The following SENP7 variants were observed in gnomAD, a reference collection of about 807,000 sequenced individuals.
SENP7 encodes the protein SUMO specific peptidase 7, also known as sentrin-specific protease 7.
SENP7 carries 64 observed loss-of-function variants against 141.2 expected under a neutral mutation model. That is an observed-to-expected ratio of 0.45 (90% CI 0.37 to 0.56). SENP7 has a LOEUF of 0.56. SENP7 is among the 20% of genes least tolerant of loss of function. The pLI, the probability that SENP7 is intolerant of heterozygous loss-of-function variation, is 0.00. For synonymous variants in SENP7, 382 were observed against 426.4 expected (o/e 0.90, Z 1.28); for missense variants, 1,025 against 1,212.2 (o/e 0.85, Z 2.29).
chr3:101,437,456 C>T (rs1015409079), intron 4 of SENP7, among the ~76,000 whole-genome samples: 5 of 152,016 alleles, frequency 3.3e-5, no homozygotes, highest in Non-Finnish European at 7.4e-5. Context: ...CATTGCATGC[C>T]TATATATCAA....
chr3:101,409,110 A>G (rs2061384987), intron 5 of SENP7, among the ~76,000 whole-genome samples: 1 of 152,226 alleles, frequency 6.6e-6, no homozygotes, highest in Non-Finnish European at 1.5e-5. Flanking sequence ...AATGTACATA[A>G]ATCAGCAGCT....
chr3:101,398,750 A>G, intron 6 of SENP7, 111 bp downstream of exon 6: 1 of 773,742 alleles, frequency 1.3e-6, no homozygotes, highest in Non-Finnish European at 1.9e-6. Context: ...AATACCAGCT[A>G]TCAGAGCACA....
rs2059794550 is a variant in SENP7, at chr3:101,358,151, T to G, written c.1623+3564A>C. On this transcript the variant is annotated intron_variant, in intron 11 of 23. Transcript: ENST00000394095. ...CAAACCCTACTAAACATAAGATAAT[T>G]CATACTGGAGATATACCCTACAAAT... 7.6e-6 allele frequency: 4 copies of G among 528,190 alleles called. No individual in the cohort carries two copies. The Admixed American group carries it at 1.2e-4, about 15-fold the overall frequency. 32.7% of individuals were successfully genotyped at this position (528,190 alleles called of 1,614,324 possible).
At chr3:101,389,373 G>A (rs932342956) in intron 6 of SENP7, among the ~76,000 whole-genome samples, 1 of 152,068 alleles carries the variant, frequency 6.6e-6, no homozygotes, top group Non-Finnish European at 1.5e-5. Context: ...CCAAGTCAGA[G>A]ACAACAAGAA....
Position 101,351,639 on chromosome 3 carries a change from A to AT in SENP7, c.1635dup (p.Tyr546IlefsTer3). 4.4e-6 allele frequency: 6 copies of AT among 1,352,636 alleles called. No homozygotes were observed. The highest frequency in any genetic ancestry group is 1.5e-5 in the African/African-American group (1 of 65,840). The allele number at this position is 1,352,636 out of a possible 1,614,324, so 83.8% of individuals were successfully genotyped here. On this transcript the variant is annotated frameshift_variant, in exon 12 of 24. Transcript: ENST00000394095. LOFTEE classifies it high-confidence loss of function. ...TTACCTTGAAATGGGATCTTAATAT[A>AT]TTTTTTTGTGATCTGAAGAAAAAAT...
rs573976127 is a variant in SENP7 at position 101,489,847 on chromosome 3, GA to G, written c.186+4025del. 9.2e-5 allele frequency among the ~76,000 whole-genome samples: 14 copies of G among 152,292 alleles called. No homozygotes were observed. In the East Asian group the frequency reaches 2.1e-3, roughly 23 times the overall value. ...CAGAACACTCCACCTAACAGCCACA[GA>G]AAATGTTTTTAACGTCATTAGTCAT... is the stretch of plus-strand genomic sequence containing the variant. On this transcript the variant is annotated intron_variant, in intron 3 of 23. Transcript: ENST00000394095.
chr3:101,466,552 A>G (rs1237460674), intron 3 of SENP7, among the ~76,000 whole-genome samples: 2 of 152,198 alleles, frequency 1.3e-5, no homozygotes, highest in Non-Finnish European at 2.9e-5. Context: ...GACAAGCAAA[A>G]GCTAAGGGAA....
At chr3:101,331,424 A>C (rs1187770715) in intron 19 of SENP7, among the ~76,000 whole-genome samples, 2 of 151,832 alleles carry the variant, frequency 1.3e-5, no homozygotes, top group Non-Finnish European at 2.9e-5. Flanking sequence ...TCGAGGTTGC[A>C]ATGAGCTATA....
chr3:101,355,765 A>G (rs931513265), intron 11 of SENP7, among the ~76,000 whole-genome samples: 2 of 152,138 alleles, frequency 1.3e-5, no homozygotes, highest in African/African-American at 4.8e-5. Flanking sequence ...TGATAATTTG[A>G]TAGGAATAGC....
At chr3:101,473,947 A>G (rs964410281) in intron 3 of SENP7, among the ~76,000 whole-genome samples, 18 of 152,216 alleles carry the variant, frequency 1.2e-4, no homozygotes, top group Admixed American at 5.2e-4. Flanking sequence ...AATTTTCTGC[A>G]TATGGCTAAC....
intron 6 of SENP7, among the ~76,000 whole-genome samples, chr3:101,392,645 A>G (rs1178186078): frequency 6.6e-6 from 1 of 152,204 alleles, no homozygotes; most frequent in African/African-American, 2.4e-5. Context: ...TGCAATCCCA[A>G]TCAAAATGCC....
intron 3 of SENP7, among the ~76,000 whole-genome samples, chr3:101,467,938 G>T (rs997340783): frequency 6.6e-6 from 1 of 152,122 alleles, no homozygotes; most frequent in African/African-American, 2.4e-5. Flanking sequence ...TGAACCCATC[G>T]CAAGGAAGCT....
chr3:101,444,766 T>G (rs1419054148), intron 4 of SENP7, among the ~76,000 whole-genome samples: 1 of 147,924 alleles, frequency 6.8e-6, no homozygotes, highest in Non-Finnish European at 1.5e-5. Context: ...GGGGGAAAGA[T>G]AGCATTGGGA....
At position 101,337,688 on chromosome 3, in the gene SENP7, C is replaced by T. The variant is rs1333578628; in HGVS notation, c.2358-57G>A. The stretch of plus-strand genomic sequence containing the variant: ...ATTTTTAGATTTTACTTGGTCGTCC[C>T]CCAGTTGTCTTATGTGTTCTGGAAA... On this transcript the variant is annotated intron_variant, in intron 16 of 23. Coordinates refer to ENST00000394095, the MANE Select transcript of SENP7 (RefSeq NM_020654.5). 12 of 1,383,934 alleles carry T rather than the reference C, an allele frequency of 8.7e-6. No homozygotes were observed. In the African/African-American group the frequency reaches 1.0e-4, roughly 12 times the overall value. 85.7% of individuals were successfully genotyped at this position (1,383,934 alleles called of 1,614,324 possible).
intron 11 of SENP7, chr3:101,357,744 A>G: frequency 3.1e-6 from 2 of 655,356 alleles, no homozygotes; most frequent in East Asian, 2.7e-5. Flanking sequence ...CATAAGACAT[A>G]CTGGAAAAAA....
chr3:101,416,492 T>C (rs775118617), intron 5 of SENP7, among the ~76,000 whole-genome samples: 54 of 152,206 alleles, frequency 3.5e-4, no homozygotes, highest in South Asian at 8.3e-4. Context: ...CATCTGTCAG[T>C]GCAGTAAGAG....
intron 4 of SENP7, among the ~76,000 whole-genome samples, chr3:101,419,076 C>A (rs915500552): frequency 5.9e-5 from 9 of 152,158 alleles, no homozygotes; most frequent in Admixed American, 4.6e-4. Context: ...TGCACTTCTT[C>A]TGAGCCAAGT....
intron 3 of SENP7, among the ~76,000 whole-genome samples, chr3:101,466,321 T>C (rs1371339408): frequency 2.0e-5 from 3 of 152,172 alleles, no homozygotes; most frequent in Non-Finnish European, 4.4e-5. Context: ...AGGTATATCA[T>C]AGTCAAACTG....
intron 5 of SENP7, chr3:101,414,148 C>T (rs1285166622): frequency 2.0e-6 from 1 of 501,766 alleles, no homozygotes; most frequent in Non-Finnish European, 3.5e-6. Context: ...GAGAACAGAT[C>T]CTTTAAAAGA....
Sources: allele counts gnomAD v4.1 joint callset (sites outside exome capture counted in the v4.1 genomes callset), GRCh38; gene constraint gnomAD v4.1.1; transcripts MANE v1.5; gene names NCBI Gene and HGNC (gene_info 2026-07-23, HGNC 2026-07-21).